MTA3: variants seen among roughly 807,000 people sequenced by gnomAD.
MTA3 encodes the protein metastasis-associated protein MTA3.
Under a neutral mutation model 83.5 loss-of-function variants are expected in MTA3, and 34 were observed. That is an observed-to-expected ratio of 0.41 (90% confidence interval 0.31 to 0.54). MTA3 has a LOEUF of 0.54. Among genes scored for constraint, MTA3 ranks in the 20% least tolerant of loss-of-function variants. MTA3 has a pLI of 0.33. For synonymous variants in MTA3, 303 were observed against 252.7 expected (o/e 1.20, Z -1.89); for missense variants, 761 against 726.4 (o/e 1.05, Z -0.55).
intron 16 of MTA3, among the ~76,000 whole-genome samples, chr2:42,736,431 C>T (rs1423547025): frequency 1.3e-5 from 2 of 152,158 alleles, no homozygotes; most frequent in African/African-American, 4.8e-5. Flanking sequence ...ATGATGATCA[C>T]TGCCTGGCTA....
intron 8 of MTA3, among the ~76,000 whole-genome samples, chr2:42,662,419 T>C (rs1229401147): frequency 6.6e-6 from 1 of 151,706 alleles, no homozygotes; most frequent in Non-Finnish European, 1.5e-5. Context: ...TATATAGAGT[T>C]TAATTTTGTG....
At chr2:42,702,304 A>G (rs2104489276) in intron 11 of MTA3, 1 of 152,382 alleles carries the variant, frequency 6.6e-6, no homozygotes, top group South Asian at 2.1e-4. Flanking sequence ...TAATAGTCCT[A>G]TTTTATAGAG....
At chr2:42,585,649 A>G (rs896344151) in intron 3 of MTA3, among the ~76,000 whole-genome samples, 1 of 150,796 alleles carries the variant, frequency 6.6e-6, no homozygotes, top group Non-Finnish European at 1.5e-5. Context: ...TAATTTTTGT[A>G]TTTTTATAGA....
intron 3 of MTA3, among the ~76,000 whole-genome samples, chr2:42,608,114 G>T (rs530647177): frequency 6.6e-6 from 1 of 152,194 alleles, no homozygotes; most frequent in Non-Finnish European, 1.5e-5. Flanking sequence ...TGAACCAAGG[G>T]ATCGTATAAG....
At chr2:42,595,913 A>G (rs1239585322) in intron 3 of MTA3, among the ~76,000 whole-genome samples, 1 of 152,202 alleles carries the variant, frequency 6.6e-6, no homozygotes, top group East Asian at 1.9e-4. Flanking sequence ...TCCATCTTAC[A>G]TTATATATGT....
At chr2:42,504,456 G>A (rs1479062111) in intron 2 of MTA3, among the ~76,000 whole-genome samples, 1 of 151,926 alleles carries the variant, frequency 6.6e-6, no homozygotes, top group Admixed American at 6.6e-5. Flanking sequence ...GACCATGCTG[G>A]TCTCAAACTC....
At chr2:42,667,580 G>GTGTGTGTGTGTGTGTGTGTT (rs1690360229) in intron 8 of MTA3, among the ~76,000 whole-genome samples, 2 of 127,296 alleles carry the variant, frequency 1.6e-5, no homozygotes, top group East Asian at 2.2e-4. Flanking sequence ...TTGTGTGTGT[G>GTGTGTGTGTGTGTGTGTGTT]TGTGTGTGTG....
At position 42,578,302 on chromosome 2, in the gene MTA3, G is replaced by A. The variant is rs79661753; in HGVS notation, c.97-805G>A. ...GAGCTCTCAGAATTCTAGAGAATAG[G>A]AGAGCAGGAGCCTGGGCCCCAGCTG... On this transcript the variant is annotated intron_variant, in intron 2 of 16. Coordinates refer to ENST00000405094, the MANE Select transcript of MTA3 (RefSeq NM_001330442.2). 5.2e-3 allele frequency among the ~76,000 whole-genome samples: 798 copies of A among 152,224 alleles called. 5 individuals carry two copies. Among genetic ancestry groups the A allele is most frequent in the African/African-American group, 0.017 (715 of 41,536 alleles).
intron 14 of MTA3, among the ~76,000 whole-genome samples, chr2:42,714,750 A>T (rs1204083279): frequency 2.0e-5 from 3 of 152,116 alleles, no homozygotes; most frequent in African/African-American, 7.2e-5. Flanking sequence ...TTTGGGATGA[A>T]ACTGTTCCAC....
rs965496302 is a variant in MTA3, at chr2:42,560,288, C to T, written c.-140-10149C>T. 2.7e-5 allele frequency among the ~76,000 whole-genome samples: 4 copies of T among 150,378 alleles called. No homozygotes were observed. The East Asian group carries it at 6.0e-4, about 22-fold the overall frequency. The stretch of plus-strand genomic sequence containing the variant: ...CTGCCTGCGTCGGCCTCCCAAAGTG[C>T]GTGAGGCACTGTGCCCGGCTGATTT... On this transcript the variant is annotated intron_variant, in intron 2 of 17. Coordinates refer to the MTA3 transcript ENST00000405592.
chr2:42,568,959 G>A lies in MTA3; in HGVS notation c.28+186G>A, dbSNP rs559331182. Among the ~76,000 whole-genome samples the A allele has an allele frequency of 2.4e-4, 33 of 137,110 alleles. No homozygotes were observed. In the East Asian group the frequency reaches 2.8e-3, roughly 12 times the overall value. 89.9% of individuals were successfully genotyped at this position (137,110 alleles called of 152,430 possible). On this transcript the variant is annotated intron_variant, in intron 1 of 16. Coordinates refer to ENST00000405094, the MANE Select transcript of MTA3 (RefSeq NM_001330442.2). ...CACCCATCCCTTCCCCTCCCCCCAC[G>A]CGGGCTCGCGAGGGCCCGGGGCCAC...
chr2:42,503,268 G>C (rs1195585051), intron 2 of MTA3, among the ~76,000 whole-genome samples: 2 of 152,162 alleles, frequency 1.3e-5, no homozygotes, highest in East Asian at 3.8e-4. Context: ...ACATTGCCAT[G>C]GCATTTGCAA....
At chr2:42,601,137 T>C (rs935612127) in intron 3 of MTA3, among the ~76,000 whole-genome samples, 2 of 152,242 alleles carry the variant, frequency 1.3e-5, no homozygotes, top group African/African-American at 4.8e-5. Flanking sequence ...CATCTCTTGA[T>C]CTCACGATCT....
At chr2:42,653,863 G>T (rs141524393) in intron 6 of MTA3, among the ~76,000 whole-genome samples, 1 of 152,158 alleles carries the variant, frequency 6.6e-6, no homozygotes, top group Admixed American at 6.6e-5. Context: ...ATCATTTCTT[G>T]TGTGTTATTT....
At chr2:42,623,470 T>G (rs1271282196) in intron 4 of MTA3, among the ~76,000 whole-genome samples, 1 of 152,202 alleles carries the variant, frequency 6.6e-6, no homozygotes, top group Non-Finnish European at 1.5e-5. Context: ...TTTTCTTCAG[T>G]CCTCTAGAGG....
rs1670026782 is a variant in MTA3 at position 42,753,386 on chromosome 2, G to A, written c.1772G>A (p.Cys591Tyr). The change falls in exon 17 of 17, where the codon TGT becomes TAT. Residue 591 changes from cysteine (C) to tyrosine (Y), a missense_variant. Coordinates refer to ENST00000405094, the MANE Select transcript of MTA3 (RefSeq NM_001330442.2). ...TTCCCTTTTCTAGAACTCACGTGCT[G>A]TGTGTCAGACTGAGCTTTCCCTGAT... Reference protein sequence around the residue: ...HHNGLDELTCCVSD With the variant: ...HHNGLDELTCYVSD 1.3e-6 allele frequency: 2 copies of A among 1,550,592 alleles called. No homozygotes were observed. Among genetic ancestry groups the A allele is most frequent in the East Asian group, 2.4e-5 (1 of 40,920 alleles).
intron 4 of MTA3, among the ~76,000 whole-genome samples, chr2:42,627,906 A>T (rs1277597833): frequency 6.6e-6 from 1 of 151,366 alleles, no homozygotes; most frequent in Non-Finnish European, 1.5e-5. Flanking sequence ...TTGTTTTGAG[A>T]CAGAGCCTCA....
intron 8 of MTA3, among the ~76,000 whole-genome samples, chr2:42,669,078 T>C (rs1690549105): frequency 6.7e-6 from 1 of 148,652 alleles, no homozygotes; most frequent in African/African-American, 2.5e-5. Context: ...CAACAGAAAA[T>C]ACAGATTTTT....
chr2:42,709,124 A>G (rs781666710), intron 14 of MTA3, 28 bp downstream of exon 14: 9 of 1,556,300 alleles, frequency 5.8e-6, no homozygotes, highest in East Asian at 2.4e-5. Context: ...TCTTAACCTT[A>G]TATGTTGTGC....
Sources: allele counts gnomAD v4.1 joint callset (sites outside exome capture counted in the v4.1 genomes callset), GRCh38; gene constraint gnomAD v4.1.1; transcripts MANE v1.5; gene names NCBI Gene and HGNC (gene_info 2026-07-23, HGNC 2026-07-21).